CDH18: variants seen among roughly 807,000 people sequenced by gnomAD.
CDH18 encodes cadherin-18.
A neutral mutation model predicts 67.9 loss-of-function variants in CDH18; 31 were observed. The observed-to-expected ratio is 0.46, with a 90% CI of 0.34 to 0.62. The LOEUF is 0.62. Ranked by LOEUF, CDH18 falls within the 20% of genes least tolerant of loss-of-function variation. The pLI is 0.01. For synonymous variants in CDH18, 362 were observed against 347.2 expected, an observed-to-expected ratio of 1.04 and a Z score of -0.48; for missense variants, 890 against 975.5, an observed-to-expected ratio of 0.91 and a Z score of 1.17.
intron 1 of CDH18, among the ~76,000 whole-genome samples, chr5:20,427,128 A>T (rs1220018618): frequency 1.3e-5 from 2 of 151,226 alleles, no homozygotes; most frequent in East Asian, 1.9e-4. Flanking sequence ...TTGATATTTG[A>T]TATATTACAT....
chr5:20,385,119 G>A (rs1244876681), intron 1 of CDH18, among the ~76,000 whole-genome samples: 1 of 152,112 alleles, frequency 6.6e-6, no homozygotes, highest in East Asian at 1.9e-4. Flanking sequence ...TTACAGGTGT[G>A]AGCCACCACA....
At chr5:20,299,823 T>C (rs1418874670) in intron 1 of CDH18, among the ~76,000 whole-genome samples, 3 of 151,558 alleles carry the variant, frequency 2.0e-5, no homozygotes, top group Non-Finnish European at 4.4e-5. Flanking sequence ...ATATTTCTCA[T>C]TATAAAATAA....
intron 2 of CDH18, among the ~76,000 whole-genome samples, chr5:20,181,412 G>C (rs1737676034): frequency 6.6e-6 from 1 of 152,000 alleles, no homozygotes; most frequent in African/African-American, 2.4e-5. Flanking sequence ...AGGCCTTTTG[G>C]GAGGAGACCC....
chr5:19,960,755 A>G (rs533568916), intron 2 of CDH18, among the ~76,000 whole-genome samples: 2 of 119,474 alleles, frequency 1.7e-5, no homozygotes, highest in East Asian at 2.0e-4. Context: ...GTGTATATAT[A>G]TGTATATATG....
At chr5:19,696,719 T>C (rs1377286157) in intron 5 of CDH18, among the ~76,000 whole-genome samples, 15 of 152,074 alleles carry the variant, frequency 9.9e-5, no homozygotes, top group Non-Finnish European at 1.5e-5. Flanking sequence ...TTGAATCCTG[T>C]TTTGAATATG....
chr5:20,390,869 C>G (rs1744788244), intron 1 of CDH18, among the ~76,000 whole-genome samples: 1 of 152,094 alleles, frequency 6.6e-6, no homozygotes, highest in South Asian at 2.1e-4. Context: ...CCATCATTCT[C>G]AGCAAACTAT....
intron 3 of CDH18, among the ~76,000 whole-genome samples, chr5:19,834,450 T>C (rs537765308): frequency 0.012 from 1,227 of 104,386 alleles, 9 homozygotes; most frequent in Non-Finnish European, 0.019. Flanking sequence ...TCCATTTATT[T>C]TGTTAATTTT....
At chr5:19,661,500 T>C (rs968701701) in intron 5 of CDH18, among the ~76,000 whole-genome samples, 1 of 151,914 alleles carries the variant, frequency 6.6e-6, no homozygotes, top group African/African-American at 2.4e-5. Context: ...TTTTCACATA[T>C]TGCCTTTTAA....
chr5:20,515,934 TAAAC>T (rs1755341124), intron 1 of CDH18, among the ~76,000 whole-genome samples: 1 of 152,062 alleles, frequency 6.6e-6, no homozygotes, highest in East Asian at 1.9e-4. Flanking sequence ...TTAACTTAAT[TAAAC>T]AAATTAAGAT....
intron 2 of CDH18, among the ~76,000 whole-genome samples, chr5:20,215,189 A>G (rs1740665885): frequency 6.6e-6 from 1 of 151,976 alleles, no homozygotes; most frequent in Non-Finnish European, 1.5e-5. Context: ...AAAAAATATC[A>G]GACTAGAGCC....
intron 1 of CDH18, among the ~76,000 whole-genome samples, chr5:20,338,855 A>T (rs2150039929): frequency 6.6e-6 from 1 of 152,276 alleles, no homozygotes; most frequent in South Asian, 2.1e-4. Context: ...AAGTCTAAAA[A>T]GGCAACTAGG....
intron 9 of CDH18, among the ~76,000 whole-genome samples, chr5:19,527,400 A>G (rs890171917): frequency 3.3e-5 from 5 of 151,690 alleles, no homozygotes; most frequent in African/African-American, 9.7e-5. Context: ...TGTCTGGTAC[A>G]TGCTGGTGCC....
chr5:19,568,666 T>C (rs1363471978), intron 8 of CDH18, among the ~76,000 whole-genome samples: 2 of 152,158 alleles, frequency 1.3e-5, no homozygotes, highest in Non-Finnish European at 2.9e-5. Context: ...CTCTTCACTA[T>C]GTGAAAATAT....
intron 12 of CDH18, among the ~76,000 whole-genome samples, chr5:19,481,977 T>G (rs1471675242): frequency 2.0e-5 from 3 of 152,190 alleles, no homozygotes; most frequent in Admixed American, 2.0e-4. Context: ...AAGAGCATTC[T>G]AAAGAGTTTA....
chr5:20,166,608 G>A (rs746993115), intron 2 of CDH18, among the ~76,000 whole-genome samples: 17 of 152,162 alleles, frequency 1.1e-4, no homozygotes, highest in African/African-American at 2.2e-4. Flanking sequence ...CCCAGGTGCC[G>A]CCACTGGAGA....
intron 2 of CDH18, among the ~76,000 whole-genome samples, chr5:20,181,482 G>C (rs971381098): frequency 1.3e-5 from 2 of 152,052 alleles, no homozygotes; most frequent in East Asian, 1.9e-4. Flanking sequence ...GTTCTCAACT[G>C]AGGCAACCAC....
At chr5:20,217,237 A>G (rs1298849681) in intron 2 of CDH18, among the ~76,000 whole-genome samples, 2 of 151,912 alleles carry the variant, frequency 1.3e-5, no homozygotes, top group South Asian at 2.1e-4. Context: ...AGAAAACAGA[A>G]TATTATAACA....
intron 7 of CDH18, among the ~76,000 whole-genome samples, chr5:19,590,082 C>T (rs1744843328): frequency 6.6e-6 from 1 of 152,038 alleles, no homozygotes; most frequent in African/African-American, 2.4e-5. Flanking sequence ...GCTGAGTCTG[C>T]CTTTGCTCCA....
Position 19,668,568 on chromosome 5 carries a change from T to C in CDH18, c.643+52779A>G, listed in dbSNP as rs1182649650. ...ATCAAGTCAGTATCATATAAAATAA[T>C]AAAAAATGTATCAGTTTCGCTTCAT... On this transcript the variant is annotated intron_variant, in intron 5 of 12. Coordinates refer to ENST00000382275, the MANE Select transcript of CDH18 (RefSeq NM_004934.5). Among the ~76,000 whole-genome samples, 7 of 152,092 alleles carry C rather than the reference T, an allele frequency of 4.6e-5. 1 individual carries two copies. In the South Asian group the frequency reaches 1.2e-3, roughly 27 times the overall value.
Sources: gnomAD v4.1 joint callset for allele counts (sites outside exome capture counted in the v4.1 genomes callset) on GRCh38, gnomAD v4.1.1 for gene constraint, MANE v1.5 for transcripts, NCBI Gene and HGNC (gene_info 2026-07-23, HGNC 2026-07-21) for gene names.